Variants in PARD3B observed in about 807,000 individuals in gnomAD.
PARD3B encodes the protein partitioning defective 3 homolog B.
In PARD3B, 103 loss-of-function variants were observed where a neutral mutation model predicts 130.2. That is an observed-to-expected ratio of 0.79 (90% CI 0.67 to 0.93). The LOEUF (loss-of-function observed/expected upper bound fraction) is 0.93, where lower values mean the gene tolerates loss of function less well. PARD3B is among the 40% of genes least tolerant of loss of function. The pLI, the probability that PARD3B is intolerant of heterozygous loss-of-function variation, is 0.00. For missense variants in PARD3B, 1,609 were observed against 1,499.2 expected (o/e 1.07, Z -1.21); for synonymous variants, 583 against 553.2 (o/e 1.05, Z -0.76).
At chr2:205,581,253 T>TAG (rs2053956368) in intron 22 of PARD3B, among the ~76,000 whole-genome samples, 6 of 134,098 alleles carry the variant, frequency 4.5e-5, no homozygotes, top group Admixed American at 8.4e-5. Context: ...TATATATAGA[T>TAG]ATATATAGAT....
chr2:205,371,508 A>G (rs1444299006), intron 18 of PARD3B, among the ~76,000 whole-genome samples: 1 of 152,136 alleles, frequency 6.6e-6, no homozygotes, highest in South Asian at 2.1e-4. Flanking sequence ...TGGAACTAGG[A>G]AGTGGGCATC....
chr2:204,835,319 G>A (rs1413745428), intron 2 of PARD3B, among the ~76,000 whole-genome samples: 9 of 152,110 alleles, frequency 5.9e-5, no homozygotes, highest in Admixed American at 5.9e-4. Flanking sequence ...ATAGATGTGG[G>A]GAAGAAGACT....
intron 2 of PARD3B, among the ~76,000 whole-genome samples, chr2:204,749,650 G>C (rs1387205527): frequency 6.6e-6 from 1 of 152,036 alleles, no homozygotes; most frequent in Non-Finnish European, 1.5e-5. Context: ...TTTCTCCTTG[G>C]TTCTCGATAC....
intron 2 of PARD3B, among the ~76,000 whole-genome samples, chr2:204,793,136 T>C (rs2125480584): frequency 6.6e-6 from 1 of 152,354 alleles, no homozygotes; most frequent in Admixed American, 6.5e-5. Context: ...CAGTGATTTG[T>C]ATTTGCAAAA....
chr2:205,326,866 C>G (rs763117881), intron 18 of PARD3B, among the ~76,000 whole-genome samples: 2 of 152,066 alleles, frequency 1.3e-5, no homozygotes, highest in African/African-American at 2.4e-5. Context: ...TGTAGCAAGA[C>G]AGAATAAAAA....
intron 2 of PARD3B, among the ~76,000 whole-genome samples, chr2:204,741,555 T>A (rs2040012309): frequency 6.6e-6 from 1 of 152,212 alleles, no homozygotes; most frequent in African/African-American, 2.4e-5. Context: ...GAGCCCTCCA[T>A]GTTATTTTCC....
rs2046272103 is a variant in PARD3B at position 205,402,068 on chromosome 2, C to G, written c.2741+945C>G. Among the ~76,000 whole-genome samples the G allele has an allele frequency of 3.3e-5, 5 of 152,140 alleles. No individual in the cohort carries two copies. The South Asian group carries it at 1.0e-3, about 31-fold the overall frequency. On this transcript the variant is annotated intron_variant, in intron 19 of 22. Coordinates refer to ENST00000406610, the MANE Select transcript of PARD3B (RefSeq NM_001302769.2). ...ATTGTGTTTTCTAGCACAGAGGAGT[C>G]TAAGAGTATCTACTGTTAGCCTTTG... is the stretch of plus-strand genomic sequence containing the variant.
intron 1 of PARD3B, among the ~76,000 whole-genome samples, chr2:204,643,102 A>C (rs909566090): frequency 1.5e-5 from 2 of 136,288 alleles, no homozygotes; most frequent in African/African-American, 3.0e-5. Flanking sequence ...CGACAGAGGG[A>C]GACTCTGTCT....
chr2:205,372,915 G>T (rs849199), intron 18 of PARD3B, among the ~76,000 whole-genome samples: 19 of 152,038 alleles, frequency 1.2e-4, no homozygotes, highest in African/African-American at 1.7e-4. Context: ...GGAGGTCAAG[G>T]TTGCAGTGAG....
Position 205,500,044 on chromosome 2 carries a change from A to G in PARD3B, c.3180+13A>G. On this transcript the variant is annotated intron_variant, in intron 21 of 22. Coordinates refer to ENST00000406610, the MANE Select transcript of PARD3B (RefSeq NM_001302769.2). ...TGACCTACTCTGGGTAAGCGCATGC[A>G]TGATTTCAATCGTTGAATTCATCTT... The G allele has an allele frequency of 6.2e-7, 1 of 1,611,824 alleles. No individual in the cohort carries two copies. The highest frequency in any genetic ancestry group is 1.1e-5 in the South Asian group (1 of 90,792).
intron 2 of PARD3B, among the ~76,000 whole-genome samples, chr2:204,706,372 A>T (rs1201578461): frequency 6.8e-6 from 1 of 147,462 alleles, no homozygotes; most frequent in Non-Finnish European, 1.5e-5. Context: ...GTCTCAAAAA[A>T]AAAAAAAGAA....
intron 10 of PARD3B, among the ~76,000 whole-genome samples, chr2:205,131,863 T>G (rs2032031428): frequency 6.6e-6 from 1 of 152,112 alleles, no homozygotes; most frequent in African/African-American, 2.4e-5. Context: ...TGTTGGGATA[T>G]CTATTAAGAG....
At position 204,611,879 on chromosome 2, in the gene PARD3B, C is replaced by T. The variant is rs185042907; in HGVS notation, c.120+65760C>T. On this transcript the variant is annotated intron_variant, in intron 1 of 22. Coordinates refer to ENST00000406610, the MANE Select transcript of PARD3B (RefSeq NM_001302769.2). ...ATATATGTGCAAGCTTGCAGGATATCGCAAAAATGAATTGAGTGGATCTTT... is the reference window on the plus strand; with the variant it reads ...ATATATGTGCAAGCTTGCAGGATATTGCAAAAATGAATTGAGTGGATCTTT... Among the ~76,000 whole-genome samples, 387 of 152,154 alleles carry T rather than the reference C, an allele frequency of 2.5e-3. 2 individuals are homozygous for T. Among genetic ancestry groups the T allele is most frequent in the African/African-American group, 8.6e-3 (357 of 41,522 alleles).
chr2:204,878,252 T>G (rs1005005429), intron 2 of PARD3B, among the ~76,000 whole-genome samples: 1 of 152,142 alleles, frequency 6.6e-6, no homozygotes, highest in African/African-American at 2.4e-5. Context: ...ATTGCCTTTT[T>G]TAATGAAAAG....
intron 2 of PARD3B, among the ~76,000 whole-genome samples, chr2:204,908,651 G>T (rs1277953589): frequency 6.6e-6 from 1 of 152,126 alleles, no homozygotes; most frequent in East Asian, 1.9e-4. Context: ...TGGAAATAAT[G>T]TTGTACTGGA....
chr2:204,603,964 A>G (rs2033613220), intron 1 of PARD3B, among the ~76,000 whole-genome samples: 1 of 152,120 alleles, frequency 6.6e-6, no homozygotes, highest in African/African-American at 2.4e-5. Context: ...ATTTTGTTTT[A>G]TCAGATTCAT....
chr2:205,434,456 T>C (rs2047442346), intron 19 of PARD3B, among the ~76,000 whole-genome samples: 2 of 152,188 alleles, frequency 1.3e-5, no homozygotes, highest in South Asian at 2.1e-4. Context: ...AATCTAGTTA[T>C]GGAAGCAGAA....
intron 21 of PARD3B, among the ~76,000 whole-genome samples, chr2:205,521,410 G>A (rs925126871): frequency 6.6e-6 from 1 of 151,444 alleles, no homozygotes; most frequent in South Asian, 2.1e-4. Flanking sequence ...TTCATTCAGG[G>A]TTTTTTTTCT....
rs1264718435 is a variant in PARD3B, at chr2:205,230,599, G to T, written c.2141-15179G>T. ...CCGTGAGCTGCACTGCCTGGGGTTG[G>T]GGGAGGAGTGGTGCAAGCACTGCAT... On this transcript the variant is annotated intron_variant, in intron 15 of 22. Transcript: ENST00000406610. The surrounding 1 kb of genome is among the most constrained non-coding windows in gnomAD (Gnocchi z 4.1). Among the ~76,000 whole-genome samples the T allele has an allele frequency of 3.3e-5, 5 of 152,160 alleles. No individual in the cohort carries two copies. The highest frequency in any genetic ancestry group is 4.8e-5 in the African/African-American group (2 of 41,436).
Sources: allele counts gnomAD v4.1 joint callset (sites outside exome capture counted in the v4.1 genomes callset), GRCh38; gene constraint gnomAD v4.1.1; non-coding constraint Gnocchi (gnomAD v3.1); transcripts MANE v1.5; gene names NCBI Gene and HGNC (gene_info 2026-07-23, HGNC 2026-07-21).